The following UBR4 variants were observed in gnomAD, a reference collection of about 807,000 sequenced individuals.
The protein encoded by UBR4 is ubiquitin protein ligase E3 component n-recognin 4.
UBR4 carries 124 observed loss-of-function variants against 575.6 expected under a neutral mutation model. The ratio of observed to expected loss-of-function variants is 0.22; its 90% CI spans 0.19 to 0.25. The LOEUF is 0.25. Ranked by LOEUF, UBR4 falls within the 10% of genes least tolerant of loss-of-function variation. The pLI, the probability that UBR4 is intolerant of heterozygous loss-of-function variation, is 1.00. For missense variants in UBR4, 4,818 were observed against 6,478.8 expected (o/e 0.74, Z 8.80); for synonymous variants, 2,455 against 2,473.7 (o/e 0.99, Z 0.22).
At chr1:19,195,997 C>A (rs891951277) in intron 8 of UBR4, among the ~76,000 whole-genome samples, 2 of 151,280 alleles carry the variant, frequency 1.3e-5, no homozygotes, top group African/African-American at 4.9e-5. Context: ...CACACACACA[C>A]ACACACACAC....
intron 1 of UBR4, among the ~76,000 whole-genome samples, chr1:19,202,710 A>G (rs12062540): frequency 0.44 from 66,924 of 151,910 alleles, 15,063 homozygotes; most frequent in East Asian, 0.68. Context: ...AAATCTAGAG[A>G]CCAACTAGGT....
Position 19,088,655 on chromosome 1 carries a change from G to A in UBR4, c.14430+104C>T. 1 of 1,149,396 alleles carries A rather than the reference G, an allele frequency of 8.7e-7. No homozygotes were observed. Among genetic ancestry groups the A allele is most frequent in the Non-Finnish European group, 1.3e-6 (1 of 783,738 alleles). The allele number at this position is 1,149,396 out of a possible 1,614,324, so 71.2% of individuals were successfully genotyped here. A position where few individuals can be genotyped will look rare whatever the true frequency, so the allele number is the denominator to read the frequency against. On this transcript the variant is annotated intron_variant, in intron 98 of 105. Coordinates refer to ENST00000375254, the MANE Select transcript of UBR4 (RefSeq NM_020765.3). This position sits in a 1 kb window ranked among gnomAD's most constrained non-coding sequence, Gnocchi z 4.0. ...ACACCTAGTTCCTTCCTCCTACTCTGTCCAGCCTTCTCTTTCCCCATGGCC... is the reference window on the plus strand; with the variant it reads ...ACACCTAGTTCCTTCCTCCTACTCTATCCAGCCTTCTCTTTCCCCATGGCC...
intron 5 of UBR4, 37 bp downstream of exon 5, chr1:19,198,504 C>T (rs1363286595): frequency 1.9e-6 from 3 of 1,594,268 alleles, no homozygotes; most frequent in Admixed American, 3.5e-5. Context: ...CTTAACAAAA[C>T]CCACAGAGAA....
intron 39 of UBR4, among the ~76,000 whole-genome samples, chr1:19,158,849 TA>T (rs2086841565): frequency 2.0e-5 from 3 of 152,166 alleles, no homozygotes; most frequent in Admixed American, 2.0e-4. Context: ...CCCTTAAAAA[TA>T]GCCAACTTTG....
In UBR4 at chr1:19,186,549, T is replaced by C; in HGVS notation, c.1741A>G (p.Ser581Gly). 2 of 1,613,980 alleles carry C rather than the reference T, an allele frequency of 1.2e-6. No individual in the cohort carries two copies. Among genetic ancestry groups the C allele is most frequent in the African/African-American group, 1.3e-5 (1 of 75,026 alleles). Reference protein sequence around the residue: ...EDDFSSTEEDSSQDDDSEPIL... With the variant: ...EDDFSSTEEDGSQDDDSEPIL... ...AAAGAGCGGCCTCTACCTTGGCTGCTGTCCTCCTCCGTGCTACTGAAATCG... is the reference window on the plus strand; with the variant it reads ...AAAGAGCGGCCTCTACCTTGGCTGCCGTCCTCCTCCGTGCTACTGAAATCG... Residue 581 changes from serine to glycine, a missense_variant, in exon 14 of 106, where the codon AGC (serine) becomes GGC (glycine). This residue lies in a region of UBR4 where 162 missense variants were observed against 216.4 expected (regional missense o/e 0.75). Transcript: ENST00000375254.
chr1:19,127,676 G>A lies in UBR4; in HGVS notation c.9175C>T (p.Leu3059=). The A allele has an allele frequency of 1.2e-6, 2 of 1,614,138 alleles. No individual in the cohort carries two copies. Among genetic ancestry groups the A allele is most frequent in the Non-Finnish European group, 1.7e-6 (2 of 1,180,012 alleles). ...NEVHLVVMRL[L]SVFMSRTKSG... ...TTGGTGCGGGACATGAAGACACTCA[G>A]GAGTCTCATTACTACCAGATGGACT... Residue 3059 remains leucine (L), a synonymous_variant, in exon 63 of 106, where the codon CTG becomes TTG. Coordinates refer to ENST00000375254, the MANE Select transcript of UBR4 (RefSeq NM_020765.3).
intron 39 of UBR4, among the ~76,000 whole-genome samples, chr1:19,159,191 G>T (rs548974311): frequency 1.3e-5 from 2 of 152,202 alleles, no homozygotes; most frequent in East Asian, 3.9e-4. Flanking sequence ...TATCTCATTC[G>T]CAATATTTGT....
chr1:19,197,079 G>A, intron 8 of UBR4, 62 bp downstream of exon 8: 1 of 1,574,066 alleles, frequency 6.4e-7, no homozygotes, highest in South Asian at 1.2e-5. Context: ...GATTTTCATG[G>A]TTTCCTGAAA....
intron 1 of UBR4, among the ~76,000 whole-genome samples, chr1:19,209,761 A>C (rs1395086214): frequency 6.6e-6 from 1 of 152,188 alleles, no homozygotes; most frequent in Non-Finnish European, 1.5e-5. Context: ...ACTTGACCCA[A>C]GGGGCAGCCC....
chr1:19,161,721 G>C lies in UBR4; in HGVS notation c.5043C>G (p.Thr1681=). 6.2e-7 allele frequency: 1 copy of C among 1,612,940 alleles called. No homozygotes were observed. The highest frequency in any genetic ancestry group is 1.7e-5 in the Admixed American group (1 of 59,958). Reference sequence around the variant, plus strand: ...CACCCACGCCATCCACCATTTTACAGGTGTGACAGTGGTACCTACAAAGAA... The same window carrying C: ...CACCCACGCCATCCACCATTTTACACGTGTGACAGTGGTACCTACAAAGAA... ...FMNQHWYHCH[T]CKMVDGVGVC... is the part of the protein sequence containing the mutation. Residue 1681 remains threonine (T), a synonymous_variant, in exon 37 of 106, where the codon ACC becomes ACG. Coordinates refer to ENST00000375254, the MANE Select transcript of UBR4 (RefSeq NM_020765.3).
chr1:19,106,086 C>G (rs560167215), intron 83 of UBR4, among the ~76,000 whole-genome samples: 102 of 152,322 alleles, frequency 6.7e-4, no homozygotes, highest in Middle Eastern at 3.4e-3. Flanking sequence ...AAGAACATAC[C>G]TACAATAAGT....
intron 78 of UBR4, 141 bp downstream of exon 78, chr1:19,112,383 C>G: frequency 1.0e-6 from 1 of 996,130 alleles, no homozygotes; most frequent in Non-Finnish European, 1.5e-6. Flanking sequence ...CCCTGTGTCT[C>G]TTTCCATCTT....
At chr1:19,122,140 A>T in intron 66 of UBR4, 128 bp from the exon 67 acceptor site, 2 of 892,554 alleles carry the variant, frequency 2.2e-6, no homozygotes, top group Non-Finnish European at 3.6e-6. Flanking sequence ...TGAGCAAGGC[A>T]GATGCTTGCT....
intron 84 of UBR4, among the ~76,000 whole-genome samples, chr1:19,105,478 A>T (rs1277345893): frequency 1.3e-5 from 2 of 152,252 alleles, no homozygotes; most frequent in African/African-American, 2.4e-5. Context: ...CATGCCAAGC[A>T]TTTATGCACT....
rs769476213 is a variant in UBR4, at chr1:19,140,838, G to T, written c.8543C>A (p.Pro2848His). 1 of 1,613,022 alleles carries T rather than the reference G, an allele frequency of 6.2e-7. No individual in the cohort carries two copies. The highest frequency in any genetic ancestry group is 8.5e-7 in the Non-Finnish European group (1 of 1,179,934). Reference protein sequence around the residue: ...LQSLGLSGQAPSSSSLDAGTL... With the variant: ...LQSLGLSGQAHSSSSLDAGTL... ...TCCTGCGTCCAGAGAGGAAGAGCTGGGTGCCTGGCCGGACAGTCCCAGGCT... is the reference window on the plus strand; with the variant it reads ...TCCTGCGTCCAGAGAGGAAGAGCTGTGTGCCTGGCCGGACAGTCCCAGGCT... The change falls in exon 58 of 106, where the codon CCC (proline) becomes CAC (histidine). Residue 2848 changes from proline (P) to histidine (H), a missense_variant. Transcript: ENST00000375254.
At chr1:19,142,981 G>C (rs998005914) in intron 55 of UBR4, among the ~76,000 whole-genome samples, 2 of 151,832 alleles carry the variant, frequency 1.3e-5, no homozygotes, top group Non-Finnish European at 2.9e-5. Context: ...AATTAGCTGG[G>C]CACGGTGGCA....
intron 1 of UBR4, among the ~76,000 whole-genome samples, chr1:19,203,307 C>CCAGG (rs2092839284): frequency 6.6e-6 from 1 of 151,942 alleles, no homozygotes; most frequent in Non-Finnish European, 1.5e-5. Context: ...TCGAGACCAG[C>CCAGG]CTGGCCAATA....
At chr1:19,197,479 A>C (rs970420058) in intron 7 of UBR4, among the ~76,000 whole-genome samples, 191 bp downstream of exon 7, 1 of 152,142 alleles carries the variant, frequency 6.6e-6, no homozygotes, top group Non-Finnish European at 1.5e-5. Context: ...AAATACAAAA[A>C]TTAGCCAGCC....
intron 51 of UBR4, among the ~76,000 whole-genome samples, chr1:19,147,386 T>C (rs1453332412): frequency 6.6e-6 from 1 of 152,146 alleles, no homozygotes; most frequent in Non-Finnish European, 1.5e-5. Context: ...CTCACATTTC[T>C]CAGTTCTCCG....
Sources: gnomAD v4.1 joint callset for allele counts (sites outside exome capture counted in the v4.1 genomes callset) on GRCh38, gnomAD v4.1.1 for gene constraint, gnomAD v4.1.1 regional missense constraint, Gnocchi (gnomAD v3.1) non-coding constraint, MANE v1.5 for transcripts, NCBI Gene and HGNC (gene_info 2026-07-23, HGNC 2026-07-21) for gene names.